MARCHF3: variants seen among roughly 807,000 people sequenced by gnomAD.
MARCHF3 encodes E3 ubiquitin-protein ligase MARCHF3.
In MARCHF3, 13 loss-of-function variants were observed where a neutral mutation model predicts 24.2. The observed-to-expected ratio is 0.54, with a 90% CI of 0.35 to 0.85. The LOEUF is 0.85. MARCHF3 is among the 40% of genes least tolerant of loss of function. The pLI, the probability that MARCHF3 is intolerant of heterozygous loss-of-function variation, is 0.01. For synonymous variants in MARCHF3, 144 were observed against 137.3 expected, an observed-to-expected ratio of 1.05 and a Z score of -0.34; for missense variants, 276 against 325.0, an observed-to-expected ratio of 0.85 and a Z score of 1.16.
At chr5:126,979,948 CA>C (rs757849978) in intron 1 of MARCHF3, among the ~76,000 whole-genome samples, 3,077 of 44,994 alleles carry the variant, frequency 0.068, 43 homozygotes, top group African/African-American at 0.2. Flanking sequence ...AACTCCATCT[CA>C]AAAAAAAAAA....
chr5:126,876,336 C>A (rs1753153833), intron 4 of MARCHF3, among the ~76,000 whole-genome samples: 1 of 152,190 alleles, frequency 6.6e-6, no homozygotes, highest in Non-Finnish European at 1.5e-5. Flanking sequence ...AAATTATAGA[C>A]TAGAAAACCT....
intron 1 of MARCHF3, among the ~76,000 whole-genome samples, chr5:127,028,964 G>C (rs1753087677): frequency 6.6e-6 from 1 of 152,244 alleles, no homozygotes; most frequent in Admixed American, 6.5e-5. Context: ...TGTTTTAACA[G>C]ATGGGCCGGC....
intron 3 of MARCHF3, among the ~76,000 whole-genome samples, chr5:126,893,627 T>C (rs1214171671): frequency 1.3e-5 from 2 of 150,196 alleles, no homozygotes; most frequent in Non-Finnish European, 3.0e-5. Context: ...CCCTGAGTTC[T>C]AGTTTGATTG....
rs974131850 is a variant in MARCHF3 at position 126,869,103 on chromosome 5, C to G, written c.*1530G>C. 1 of 152,198 alleles carries G rather than the reference C, an allele frequency of 6.6e-6. No individual in the cohort carries two copies. The highest frequency in any genetic ancestry group is 1.5e-5 in the Non-Finnish European group (1 of 68,062). The allele number at this position is 152,198 out of a possible 1,614,324, so 9.4% of individuals were successfully genotyped here. ...GGGAGCAGCCAGTGAATGGAGGGCT[C>G]GCCTACAAAGGGGACACCTGCATCA... is the stretch of plus-strand genomic sequence containing the variant. On this transcript the variant is annotated 3_prime_UTR_variant, in exon 5 of 5. Coordinates refer to ENST00000308660, the MANE Select transcript of MARCHF3 (RefSeq NM_178450.5).
chr5:127,013,581 G>C (rs112617615), intron 1 of MARCHF3, among the ~76,000 whole-genome samples: 1 of 152,092 alleles, frequency 6.6e-6, no homozygotes. Context: ...GCCAGGATCC[G>C]TAAGAGGGAA....
At chr5:126,977,310 C>A (rs369317172) in intron 1 of MARCHF3, among the ~76,000 whole-genome samples, 8 of 152,300 alleles carry the variant, frequency 5.3e-5, no homozygotes, top group African/African-American at 1.9e-4. Context: ...GAAAGCTTAG[C>A]ACCAAACCTG....
chr5:126,987,476 T>C (rs557123148), intron 1 of MARCHF3, among the ~76,000 whole-genome samples: 3 of 152,222 alleles, frequency 2.0e-5, no homozygotes, highest in Non-Finnish European at 4.4e-5. Context: ...ATTTCTGGCA[T>C]GTCTGCCTGC....
chr5:126,906,607 A>C (rs1374513543), intron 3 of MARCHF3, among the ~76,000 whole-genome samples: 1 of 152,116 alleles, frequency 6.6e-6, no homozygotes, highest in Non-Finnish European at 1.5e-5. Context: ...ATTTGCGTAG[A>C]GGTGTTTGTA....
chr5:127,029,967 G>C (rs1753123775), intron 1 of MARCHF3: 5 of 152,228 alleles, frequency 3.3e-5, no homozygotes, highest in Admixed American at 2.0e-4. Context: ...ATCCAGACGC[G>C]GACGCCGGGT....
chr5:126,871,133 C>G (rs2126763109), intron 4 of MARCHF3, among the ~76,000 whole-genome samples: 1 of 152,162 alleles, frequency 6.6e-6, no homozygotes, highest in East Asian at 1.9e-4. Flanking sequence ...CAGCCCTCGC[C>G]CAGCTGTGTG....
intron 3 of MARCHF3, among the ~76,000 whole-genome samples, chr5:126,904,373 T>C (rs1401799920): frequency 3.3e-5 from 5 of 149,896 alleles, no homozygotes; most frequent in South Asian, 2.2e-4. Context: ...GTTCTAGATC[T>C]CTGAGGAATC....
At chr5:127,005,936 T>C (rs1181440407) in intron 1 of MARCHF3, among the ~76,000 whole-genome samples, 1 of 152,094 alleles carries the variant, frequency 6.6e-6, no homozygotes, top group East Asian at 1.9e-4. Flanking sequence ...GGGTGGTGGC[T>C]CATGCCTGTA....
intron 3 of MARCHF3, among the ~76,000 whole-genome samples, chr5:126,893,314 T>G (rs2126777208): frequency 6.6e-6 from 1 of 151,676 alleles, no homozygotes; most frequent in East Asian, 1.9e-4. Flanking sequence ...ATTTTAGTTA[T>G]TTCTTGCCTA....
In MARCHF3 at chr5:126,952,633, T is replaced by G. The variant is rs184679302; in HGVS notation, c.-56-34406A>C. ...GTTTTGTTATTTTTATTTTTATTTTTTTACTTTTAAGGCCTTTGCTATCTT... is the reference window on the plus strand; with the variant it reads ...GTTTTGTTATTTTTATTTTTATTTTGTTACTTTTAAGGCCTTTGCTATCTT... On this transcript the variant is annotated intron_variant, in intron 1 of 4. Coordinates refer to ENST00000308660, the MANE Select transcript of MARCHF3 (RefSeq NM_178450.5). 7.9e-5 allele frequency among the ~76,000 whole-genome samples: 12 copies of G among 152,308 alleles called. No individual in the cohort carries two copies. In the East Asian group the frequency reaches 2.1e-3, roughly 27 times the overall value.
chr5:126,932,754 G>GTT (rs1749519904), intron 1 of MARCHF3, among the ~76,000 whole-genome samples: 1 of 152,168 alleles, frequency 6.6e-6, no homozygotes, highest in Non-Finnish European at 1.5e-5. Context: ...GGGGAGCTAG[G>GTT]TGGGCCACTA....
chr5:127,010,952 G>A (rs1752451767), intron 1 of MARCHF3, among the ~76,000 whole-genome samples: 1 of 152,024 alleles, frequency 6.6e-6, no homozygotes, highest in Non-Finnish European at 1.5e-5. Context: ...GGTGATGGTT[G>A]CACAATATTA....
intron 3 of MARCHF3, among the ~76,000 whole-genome samples, chr5:126,908,073 C>A (rs1027635520): frequency 1.3e-4 from 19 of 151,990 alleles, no homozygotes; most frequent in Middle Eastern, 3.4e-3. Flanking sequence ...TTCTCCTTCA[C>A]TTATGAAGGT....
chr5:126,943,718 T>C (rs1394425098), intron 1 of MARCHF3, among the ~76,000 whole-genome samples: 1 of 152,184 alleles, frequency 6.6e-6, no homozygotes, highest in Non-Finnish European at 1.5e-5. Flanking sequence ...AAATTGTTAT[T>C]GGTAGAAAAC....
intron 1 of MARCHF3, among the ~76,000 whole-genome samples, chr5:126,946,096 C>T (rs1415817292): frequency 6.6e-6 from 1 of 151,934 alleles, no homozygotes; most frequent in East Asian, 1.9e-4. Flanking sequence ...AGGGGCCGAG[C>T]GTGGTAGCTC....
Sources: gnomAD v4.1 joint callset for allele counts (sites outside exome capture counted in the v4.1 genomes callset) on GRCh38, gnomAD v4.1.1 for gene constraint, MANE v1.5 for transcripts, NCBI Gene and HGNC (gene_info 2026-07-23, HGNC 2026-07-21) for gene names.